Variants in FMR1NB observed in about 807,000 individuals in gnomAD.
FMR1NB encodes FMR1 neighbor.
FMR1NB carries 10 observed loss-of-function variants against 16.8 expected under a neutral mutation model. The ratio of observed to expected loss-of-function variants is 0.60; its 90% confidence interval spans 0.37 to 1.01. The LOEUF is 1.01. Ranked by LOEUF, FMR1NB falls within the 50% of genes least tolerant of loss-of-function variation. The pLI is 0.01. For synonymous variants in FMR1NB, 83 were observed against 79.1 expected (o/e 1.05, Z -0.26); for missense variants, 205 against 204.8 (o/e 1.00, Z 0.00).
intron 4 of FMR1NB, among the ~76,000 whole-genome samples, chrX:148,014,664 A>G (rs79395072): frequency 9.0e-6 from 1 of 111,404 alleles, no homozygotes; most frequent in Non-Finnish European, 1.9e-5. Flanking sequence ...TTTTTTTTTA[A>G]GACAAGTTCT....
chrX:147,998,963 C>T (rs923084993), intron 1 of FMR1NB, among the ~76,000 whole-genome samples: 7 of 112,021 alleles, frequency 6.2e-5, no homozygotes, highest in Admixed American at 9.5e-5. Flanking sequence ...CATTTCAATG[C>T]CCATTGTAAT....
At chrX:147,981,786 C>T in intron 1 of FMR1NB, 107 bp downstream of exon 1, 3 of 902,247 alleles carry the variant, frequency 3.3e-6, no homozygotes, top group Non-Finnish European at 3.0e-6. Context: ...GGCCTTCCTG[C>T]CCCTTCCTGT....
At chrX:147,983,356 A>T (rs2044460737) in intron 1 of FMR1NB, among the ~76,000 whole-genome samples, 1 of 111,922 alleles carries the variant, frequency 8.9e-6, no homozygotes, top group African/African-American at 3.3e-5. Context: ...TTACATCTCC[A>T]CTAACAATGT....
intron 1 of FMR1NB, among the ~76,000 whole-genome samples, chrX:147,986,133 G>C (rs1485365691): frequency 8.9e-6 from 1 of 111,829 alleles, no homozygotes; most frequent in African/African-American, 3.3e-5. Flanking sequence ...AGAAGTGTCT[G>C]TTCCTATCCT....
At chrX:148,000,346 A>G (rs1461724438) in intron 1 of FMR1NB, among the ~76,000 whole-genome samples, 1 of 111,912 alleles carries the variant, frequency 8.9e-6, no homozygotes, top group African/African-American at 3.2e-5. Context: ...AATCATTCCT[A>G]TATTGTTTCA....
chrX:148,010,971 A>C (rs781857455), intron 4 of FMR1NB, among the ~76,000 whole-genome samples: 3 of 111,496 alleles, frequency 2.7e-5, no homozygotes, highest in Non-Finnish European at 5.6e-5. Context: ...AGGATCACCT[A>C]AGGAGCCAGC....
intron 4 of FMR1NB, among the ~76,000 whole-genome samples, chrX:148,020,462 A>G (rs782396676): frequency 4.5e-4 from 50 of 112,339 alleles, no homozygotes; most frequent in Non-Finnish European, 7.9e-4. Context: ...TTTCTCAAGC[A>G]GGAGTCTCTC....
chrX:148,014,614 T>C (rs1221172049), intron 4 of FMR1NB, among the ~76,000 whole-genome samples: 1 of 111,678 alleles, frequency 9.0e-6, no homozygotes, highest in Non-Finnish European at 1.9e-5. Flanking sequence ...GATAAAAAGT[T>C]AGCATGTAGA....
chrX:147,991,192 C>T (rs2044502629), intron 1 of FMR1NB, among the ~76,000 whole-genome samples: 1 of 110,719 alleles, frequency 9.0e-6, no homozygotes, highest in Non-Finnish European at 1.9e-5. Flanking sequence ...CTCAACTCTT[C>T]ACTAAAATTC....
At chrX:147,994,685 T>C (rs1272341372) in intron 1 of FMR1NB, among the ~76,000 whole-genome samples, 2 of 112,436 alleles carry the variant, frequency 1.8e-5, no homozygotes, top group East Asian at 5.6e-4. Context: ...GAATACTGTC[T>C]AATTCAGTGT....
chrX:148,001,313 C>T (rs1406357516), intron 1 of FMR1NB, among the ~76,000 whole-genome samples: 1 of 111,839 alleles, frequency 8.9e-6, no homozygotes, highest in Non-Finnish European at 1.9e-5. Flanking sequence ...GCACGTGGGA[C>T]ACACAATAAA....
At chrX:147,985,822 G>A (rs2044473398) in intron 1 of FMR1NB, among the ~76,000 whole-genome samples, 1 of 111,814 alleles carries the variant, frequency 8.9e-6, no homozygotes, top group Non-Finnish European at 1.9e-5. Context: ...ATAATCCTTT[G>A]GGTATATACC....
Position 148,018,756 on chromosome X carries a change from A to G in FMR1NB, c.633-6109A>G, listed in dbSNP as rs782170269. Among the ~76,000 whole-genome samples, 107 of 111,528 alleles carry G rather than the reference A, an allele frequency of 9.6e-4. 1 individual carries two copies. Among genetic ancestry groups the G allele is most frequent in the African/African-American group, 3.4e-3 (105 of 30,634 alleles). ...ACCTAGGCATTACCATTCAGGACAT[A>G]GGCATGGGCAAGGACTTCATGTCTA... On this transcript the variant is annotated intron_variant, in intron 4 of 5. Transcript: ENST00000370467.
intron 4 of FMR1NB, among the ~76,000 whole-genome samples, chrX:148,012,542 A>C (rs1387616961): frequency 8.9e-6 from 1 of 111,842 alleles, no homozygotes; most frequent in Non-Finnish European, 1.9e-5. Context: ...TCAACTAATA[A>C]AATGTCTATT....
chrX:148,008,945 C>T (rs1402262981), intron 4 of FMR1NB, among the ~76,000 whole-genome samples: 2 of 110,299 alleles, frequency 1.8e-5, no homozygotes, highest in African/African-American at 6.6e-5. Flanking sequence ...TTTGGGAGGC[C>T]GAGGCGGGTG....
At chrX:147,997,117 G>T (rs2044545745) in intron 1 of FMR1NB, among the ~76,000 whole-genome samples, 1 of 111,484 alleles carries the variant, frequency 9.0e-6, no homozygotes, top group South Asian at 3.8e-4. Flanking sequence ...GGAGGCAATT[G>T]TCCCAGGGAA....
chrX:147,997,980 A>G (rs1301330967), intron 1 of FMR1NB, among the ~76,000 whole-genome samples: 1 of 112,728 alleles, frequency 8.9e-6, no homozygotes, highest in Non-Finnish European at 1.9e-5. Context: ...ATGTGGAGAA[A>G]CAGGAACGCT....
intron 1 of FMR1NB, among the ~76,000 whole-genome samples, chrX:147,999,589 A>T (rs2044560884): frequency 9.0e-6 from 1 of 111,108 alleles, no homozygotes; most frequent in East Asian, 2.8e-4. Flanking sequence ...TCCCATTTAA[A>T]GTAGCCCCCC....
intron 3 of FMR1NB, among the ~76,000 whole-genome samples, chrX:148,007,451 G>T (rs782798914): frequency 1.8e-5 from 2 of 111,133 alleles, no homozygotes; most frequent in South Asian, 3.8e-4. Context: ...CAGCAAGCCC[G>T]ACTAATTTTT....
Sources: allele counts gnomAD v4.1 joint callset (sites outside exome capture counted in the v4.1 genomes callset), GRCh38; gene constraint gnomAD v4.1.1; transcripts MANE v1.5; gene names NCBI Gene and HGNC (gene_info 2026-07-23, HGNC 2026-07-21).